Variants in MOSMO observed in about 807,000 individuals in gnomAD.
MOSMO encodes the protein modulator of smoothened.
In MOSMO, 5 loss-of-function variants were observed where a neutral mutation model predicts 18.4. The observed-to-expected ratio is 0.27, with a 90% CI of 0.14 to 0.57. The LOEUF (loss-of-function observed/expected upper bound fraction) is 0.57. Among genes scored for constraint, MOSMO ranks in the 20% least tolerant of loss-of-function variants. The probability of loss-of-function intolerance (pLI) is 0.92; values close to 1 mark genes in which losing one functional copy is unlikely to be tolerated. For synonymous variants in MOSMO, 82 were observed against 82.3 expected (o/e 1.00, Z 0.02); for missense variants, 138 against 211.8 (o/e 0.65, Z 2.16).
intron 1 of MOSMO, among the ~76,000 whole-genome samples, chr16:22,055,641 GA>G (rs1567510022): frequency 6.6e-6 from 1 of 152,176 alleles, no homozygotes; most frequent in African/African-American, 2.4e-5. Context: ...GGATGGTAAA[GA>G]CTTCATTACT....
intron 1 of MOSMO, among the ~76,000 whole-genome samples, chr16:22,055,828 C>T (rs1004046190): frequency 2.0e-5 from 3 of 152,204 alleles, no homozygotes; most frequent in Admixed American, 6.5e-5. Flanking sequence ...AGGTGTTGCT[C>T]ACATAGCAAG....
intron 1 of MOSMO, among the ~76,000 whole-genome samples, chr16:22,067,524 T>C (rs1900770032): frequency 6.6e-6 from 1 of 152,176 alleles, no homozygotes; most frequent in Non-Finnish European, 1.5e-5. Context: ...CATCAAAAAC[T>C]ATTAGGCCAG....
intron 1 of MOSMO, among the ~76,000 whole-genome samples, chr16:22,009,148 G>T (rs1473091901): frequency 6.6e-6 from 1 of 152,202 alleles, no homozygotes; most frequent in Non-Finnish European, 1.5e-5. Context: ...AAGTGTGTAT[G>T]TGGTTATAAT....
downstream of MOSMO, chr16:22,090,044 G>A (rs1901268145): frequency 6.6e-6 from 1 of 152,164 alleles, no homozygotes; most frequent in African/African-American, 2.4e-5. Flanking sequence ...GTGGTTTCAT[G>A]GGGCCAATTT....
the MOSMO span, chr16:22,092,586 G>A: frequency 6.5e-7 from 1 of 1,547,516 alleles, no homozygotes; most frequent in African/African-American, 1.4e-5. Flanking sequence ...AGATCCAGGA[G>A]AAGTAAGGCC....
chr16:22,046,413 C>A (rs1193836630), intron 1 of MOSMO, among the ~76,000 whole-genome samples: 1 of 152,100 alleles, frequency 6.6e-6, no homozygotes, highest in Non-Finnish European at 1.5e-5. Context: ...CTGATCAATA[C>A]ATAACCTCAT....
intron 1 of MOSMO, among the ~76,000 whole-genome samples, chr16:22,035,268 G>A (rs1008597422): frequency 1.2e-4 from 19 of 152,136 alleles, no homozygotes; most frequent in African/African-American, 4.3e-4. Flanking sequence ...AGAGAGGGCT[G>A]GAGTTGGGTA....
intron 1 of MOSMO, among the ~76,000 whole-genome samples, chr16:22,044,051 T>C (rs1274028323): frequency 6.6e-6 from 1 of 152,074 alleles, no homozygotes; most frequent in African/African-American, 2.4e-5. Context: ...TCAGATCTCA[T>C]GAGACTTATT....
At chr16:22,014,762 T>C (rs2141979663) in intron 1 of MOSMO, among the ~76,000 whole-genome samples, 1 of 152,322 alleles carries the variant, frequency 6.6e-6, no homozygotes, top group East Asian at 1.9e-4. Flanking sequence ...AACAAACCTA[T>C]CTCAAACTTT....
At chr16:22,054,089 C>G (rs1567509672) in intron 1 of MOSMO, among the ~76,000 whole-genome samples, 1 of 130,160 alleles carries the variant, frequency 7.7e-6, no homozygotes, top group Non-Finnish European at 1.6e-5. Flanking sequence ...AAAAAGAAGA[C>G]ACTTTTTTTT....
chr16:22,062,579 A>C lies in MOSMO; in HGVS notation c.107-12908A>C, dbSNP rs116248214. 3.5e-3 allele frequency among the ~76,000 whole-genome samples: 537 copies of C among 152,196 alleles called. 2 individuals carry two copies. Among genetic ancestry groups the C allele is most frequent in the African/African-American group, 0.012 (505 of 41,534 alleles). On this transcript the variant is annotated intron_variant, in intron 1 of 2. Coordinates refer to ENST00000542527, the MANE Select transcript of MOSMO (RefSeq NM_001164579.2). ...GTGATCCTCCTGCCTCTGTCTCCCA[A>C]AGGGCTGGGATTACAGATGTGAGCT...
At chr16:22,010,863 G>C (rs1334953249) in intron 1 of MOSMO, among the ~76,000 whole-genome samples, 2 of 151,710 alleles carry the variant, frequency 1.3e-5, no homozygotes, top group African/African-American at 4.8e-5. Context: ...GGAGGTTGCA[G>C]TGAGCCAAGA....
intron 1 of MOSMO, among the ~76,000 whole-genome samples, chr16:22,056,294 T>C (rs1900531666): frequency 6.6e-6 from 1 of 151,958 alleles, no homozygotes; most frequent in African/African-American, 2.4e-5. Context: ...AGACATTAAT[T>C]GTCAATTCTG....
chr16:22,082,912 A>G lies in MOSMO; in HGVS notation c.*2032A>G, dbSNP rs1901108257. 2.6e-5 allele frequency: 4 copies of G among 152,290 alleles called. No homozygotes were observed. In the South Asian group the frequency reaches 8.3e-4, roughly 32 times the overall value. The allele number at this position is 152,290 out of a possible 1,614,324, so 9.4% of individuals were successfully genotyped here. A position where few individuals can be genotyped will look rare whatever the true frequency, so the allele number is the denominator to read the frequency against. On this transcript the variant is annotated 3_prime_UTR_variant, in exon 3 of 3. Transcript: ENST00000542527. ...TCCTGAGGGAGACTGTTTCTCCCCAAGTATGATGATGTCTAGTCAAGTCTA... is the reference window on the plus strand; with the variant it reads ...TCCTGAGGGAGACTGTTTCTCCCCAGGTATGATGATGTCTAGTCAAGTCTA...
At chr16:22,071,647 A>G (rs1900854831) in intron 1 of MOSMO, among the ~76,000 whole-genome samples, 1 of 152,206 alleles carries the variant, frequency 6.6e-6, no homozygotes, top group African/African-American at 2.4e-5. Flanking sequence ...TATGCTGCAC[A>G]GGTGAGATGC....
chr16:22,012,755 AAAG>A, intron 1 of MOSMO, among the ~76,000 whole-genome samples: 1 of 151,996 alleles, frequency 6.6e-6, no homozygotes, highest in Non-Finnish European at 1.5e-5. Context: ...AAAAAAAAAA[AAAG>A]AGTAACTTCC....
At chr16:22,008,746 A>T (rs926155398) in intron 1 of MOSMO, among the ~76,000 whole-genome samples, 10 of 1,234 alleles carry the variant, frequency 8.1e-3, no homozygotes, top group Non-Finnish European at 0.054. Context: ...GTTCTGGATT[A>T]AAAAAAAAAA....
chr16:22,092,626 A>G, the MOSMO span: 1 of 1,550,478 alleles, frequency 6.4e-7, no homozygotes, highest in South Asian at 1.2e-5. Flanking sequence ...TCTCCCAAAG[A>G]TGGAGAAATA....
chr16:22,014,601 T>G (rs927592363), intron 1 of MOSMO, among the ~76,000 whole-genome samples: 9 of 152,156 alleles, frequency 5.9e-5, no homozygotes, highest in African/African-American at 2.2e-4. Context: ...GATCCTCAGT[T>G]TAAAACACTA....
Sources: allele counts gnomAD v4.1 joint callset (sites outside exome capture counted in the v4.1 genomes callset), GRCh38; gene constraint gnomAD v4.1.1; transcripts MANE v1.5; gene names NCBI Gene and HGNC (gene_info 2026-07-23, HGNC 2026-07-21).